AKR1C8: variants seen among roughly 807,000 people sequenced by gnomAD.
AKR1C8 encodes the protein aldo-keto reductase family 1 member C8, also known as aldo-keto reductase family 1 member C-like protein 1.
At chr10:5,124,917 A>C in the AKR1C8 span, among the ~76,000 whole-genome samples, 1 of 152,140 alleles carries the variant, frequency 6.6e-6, no homozygotes, top group Non-Finnish European at 1.5e-5. Flanking sequence ...TTTATCTCCA[A>C]AAATGTTTAA....
the AKR1C8 span, chr10:5,157,948 G>C: frequency 6.0e-6 from 2 of 334,584 alleles, no homozygotes; most frequent in South Asian, 2.5e-5. Context: ...TATTCATATG[G>C]ATTCATTCAT....
chr10:5,174,656 A>C, the AKR1C8 span, among the ~76,000 whole-genome samples: 2 of 152,064 alleles, frequency 1.3e-5, no homozygotes, highest in African/African-American at 4.8e-5. Context: ...TTTACACTAA[A>C]CTTAAAAATT....
At chr10:5,175,299 A>G in the AKR1C8 span, among the ~76,000 whole-genome samples, 1 of 152,146 alleles carries the variant, frequency 6.6e-6, no homozygotes, top group African/African-American at 2.4e-5. Flanking sequence ...TACAAAGGAC[A>G]TGAACTCATC....
At chr10:5,137,216 A>G in the AKR1C8 span, among the ~76,000 whole-genome samples, 1 of 152,280 alleles carries the variant, frequency 6.6e-6, no homozygotes, top group East Asian at 1.9e-4. Flanking sequence ...AACAGCTCCC[A>G]TCTGCAGCTC....
chr10:5,133,390 GCCT>G, the AKR1C8 span, among the ~76,000 whole-genome samples: 1 of 152,162 alleles, frequency 6.6e-6, no homozygotes, highest in African/African-American at 2.4e-5. Flanking sequence ...ACTGCAGGAA[GCCT>G]CCTAATTATT....
chr10:5,146,072 A>T, the AKR1C8 span, among the ~76,000 whole-genome samples: 1 of 151,850 alleles, frequency 6.6e-6, no homozygotes, highest in South Asian at 2.1e-4. Context: ...ATTGGAAATC[A>T]TCATTCTCAG....
chr10:5,140,999 A>G, the AKR1C8 span, among the ~76,000 whole-genome samples: 5 of 152,150 alleles, frequency 3.3e-5, no homozygotes, highest in Admixed American at 3.3e-4. Flanking sequence ...ATTTCTCTGT[A>G]GAGAGATTTC....
At chr10:5,173,360 G>C in the AKR1C8 span, among the ~76,000 whole-genome samples, 1 of 152,116 alleles carries the variant, frequency 6.6e-6, no homozygotes, top group Non-Finnish European at 1.5e-5. Context: ...TTCCCAGAGA[G>C]GGAGGATGGC....
chr10:5,162,211 G>A, the AKR1C8 span, among the ~76,000 whole-genome samples: 7 of 152,124 alleles, frequency 4.6e-5, no homozygotes, highest in African/African-American at 1.7e-4. Flanking sequence ...AAACTAATAA[G>A]GGGCAGGAAA....
At chr10:5,161,553 C>T in the AKR1C8 span, among the ~76,000 whole-genome samples, 2 of 152,154 alleles carry the variant, frequency 1.3e-5, no homozygotes, top group African/African-American at 4.8e-5. Context: ...TCAGGGCTTC[C>T]ATTCAGGAAC....
the AKR1C8 span, chr10:5,132,844 C>A: frequency 1.7e-6 from 1 of 594,006 alleles, no homozygotes; most frequent in Admixed American, 3.2e-5. Context: ...CAATGACCCT[C>A]ACAAAAATCA....
At chr10:5,125,589 G>T in the AKR1C8 span, among the ~76,000 whole-genome samples, 28 of 152,262 alleles carry the variant, frequency 1.8e-4, no homozygotes, top group African/African-American at 5.3e-4. Context: ...CCAGGAAGAA[G>T]AAAACTTGTT....
the AKR1C8 span, among the ~76,000 whole-genome samples, chr10:5,146,191 G>A: frequency 8.7e-6 from 1 of 115,536 alleles, no homozygotes; most frequent in South Asian, 3.5e-4. Flanking sequence ...CACTCTGGGG[G>A]ACTGTTGTGG....
chr10:5,152,956 A>G, the AKR1C8 span, among the ~76,000 whole-genome samples: 3 of 152,130 alleles, frequency 2.0e-5, no homozygotes, highest in Non-Finnish European at 4.4e-5. Flanking sequence ...AAAGCTGTTC[A>G]ATGTACAAAT....
At chr10:5,139,666 A>G in the AKR1C8 span, among the ~76,000 whole-genome samples, 7 of 152,346 alleles carry the variant, frequency 4.6e-5, no homozygotes, top group East Asian at 1.9e-4. Context: ...TGGATTAAAG[A>G]CTTAAATGTT....
At chr10:5,177,131 T>A in the AKR1C8 span, among the ~76,000 whole-genome samples, 1 of 152,188 alleles carries the variant, frequency 6.6e-6, no homozygotes, top group Non-Finnish European at 1.5e-5. Context: ...AGATAGCTCT[T>A]ATTATTTTGA....
chr10:5,119,060 A>G, the AKR1C8 span, among the ~76,000 whole-genome samples: 1 of 152,166 alleles, frequency 6.6e-6, no homozygotes, highest in Non-Finnish European at 1.5e-5. Context: ...GATCAATTAC[A>G]CACTCCTTAC....
At chr10:5,147,093 G>A in the AKR1C8 span, among the ~76,000 whole-genome samples, 1 of 152,170 alleles carries the variant, frequency 6.6e-6, no homozygotes, top group African/African-American at 2.4e-5. Context: ...TTCCATTCAT[G>A]GCAAAAGGAG....
the AKR1C8 span, among the ~76,000 whole-genome samples, chr10:5,139,243 T>A: frequency 6.6e-6 from 1 of 152,202 alleles, no homozygotes; most frequent in Non-Finnish European, 1.5e-5. Flanking sequence ...ATTTATAGAT[T>A]CAATGCCATC....
Sources: gnomAD v4.1 joint callset for allele counts (sites outside exome capture counted in the v4.1 genomes callset) on GRCh38, gnomAD v4.1.1 for gene constraint, MANE v1.5 for transcripts, NCBI Gene and HGNC (gene_info 2026-07-23, HGNC 2026-07-21) for gene names.